Variants in LRP2 observed in about 807,000 individuals in gnomAD.
The protein encoded by LRP2 is LDL receptor related protein 2.
A neutral mutation model predicts 531.0 loss-of-function variants in LRP2; 172 were observed. That is an observed-to-expected ratio of 0.32 (90% confidence interval 0.29 to 0.37). The LOEUF is 0.37. Ranked by LOEUF, LRP2 falls within the 10% of genes least tolerant of loss-of-function variation. The probability of loss-of-function intolerance (pLI) is 1.00; values close to 1 mark genes in which losing one functional copy is unlikely to be tolerated. For synonymous variants in LRP2, 1,992 were observed against 2,027.6 expected (o/e 0.98, Z 0.47); for missense variants, 5,167 against 5,868.3 (o/e 0.88, Z 3.90).
intron 1 of LRP2, among the ~76,000 whole-genome samples, chr2:169,354,918 A>T (rs954231810): frequency 6.6e-6 from 1 of 152,166 alleles, no homozygotes; most frequent in Non-Finnish European, 1.5e-5. Flanking sequence ...TCTCTACCCC[A>T]TCCTTATAGC....
chr2:169,355,022 G>C (rs1247231069), intron 1 of LRP2, among the ~76,000 whole-genome samples: 1 of 152,186 alleles, frequency 6.6e-6, no homozygotes, highest in Non-Finnish European at 1.5e-5. Context: ...AAGATTCACA[G>C]AAAAATGAAA....
At chr2:169,237,448 A>G (rs1193612159) in intron 27 of LRP2, among the ~76,000 whole-genome samples, 161 bp from the exon 28 acceptor site, 1 of 152,192 alleles carries the variant, frequency 6.6e-6, no homozygotes, top group Non-Finnish European at 1.5e-5. Context: ...CCAAATCAAC[A>G]GCAGGGTTTT....
At chr2:169,339,091 C>G (rs1212773103) in intron 1 of LRP2, among the ~76,000 whole-genome samples, 1 of 145,820 alleles carries the variant, frequency 6.9e-6, no homozygotes, top group Non-Finnish European at 1.5e-5. Flanking sequence ...TATTGTCTCC[C>G]TCTCAATTCT....
chr2:169,231,770 G>A lies in LRP2; in HGVS notation c.5171C>T (p.Ser1724Phe). The A allele has an allele frequency of 6.2e-7, 1 of 1,614,098 alleles. No homozygotes were observed. The highest frequency in any genetic ancestry group is 8.5e-7 in the Non-Finnish European group (1 of 1,179,994). The change falls in exon 31 of 79, where the codon TCC (serine) becomes TTC (phenylalanine). Residue 1724 changes from serine to phenylalanine, a missense_variant. Coordinates refer to ENST00000649046, the MANE Select transcript of LRP2 (RefSeq NM_004525.3). ...LLSSQGPHFYSCVCPSGWSLS... is the reference protein window; with the variant it reads ...LLSSQGPHFYFCVCPSGWSLS... ...ACTCCATCCTGAAGGACAAACACAG[G>A]AGTAAAAATGAGGCCCCTGTGAGGA...
intron 1 of LRP2, among the ~76,000 whole-genome samples, chr2:169,352,431 G>A (rs1685874771): frequency 6.6e-6 from 1 of 152,102 alleles, no homozygotes; most frequent in Non-Finnish European, 1.5e-5. Context: ...ATTTAACAGA[G>A]TATATTTAAC....
intron 75 of LRP2, among the ~76,000 whole-genome samples, chr2:169,138,165 T>C (rs902816546): frequency 2.0e-5 from 3 of 152,232 alleles, no homozygotes; most frequent in African/African-American, 7.2e-5. Context: ...AATCACTGTT[T>C]ATTTCATCAC....
intron 25 of LRP2, chr2:169,240,693 C>A: frequency 1.8e-6 from 1 of 556,514 alleles, no homozygotes; most frequent in Non-Finnish European, 3.2e-6. Context: ...AGCACATTAC[C>A]AACAGAACCA....
Position 169,175,194 on chromosome 2 carries a change from A to G in LRP2, c.10767T>C (p.Cys3589=). The G allele has an allele frequency of 6.2e-7, 1 of 1,614,148 alleles. No homozygotes were observed. The highest frequency in any genetic ancestry group is 8.5e-7 in the Non-Finnish European group (1 of 1,180,004). The change falls in exon 55 of 79, where the codon TGT becomes TGC. Residue 3589 remains cysteine (C), a splice_region_variant and synonymous_variant. Transcript: ENST00000649046. ...GAGGCATAAAGCGACTCAACACACCACAAAGAAGACGGTCTTCATCAGACC... is the reference window on the plus strand; with the variant it reads ...GAGGCATAAAGCGACTCAACACACCGCAAAGAAGACGGTCTTCATCAGACC... ...PDGSDEDRLL[C]ENHHCDSNEW...
chr2:169,356,824 T>G (rs576595292), intron 1 of LRP2, among the ~76,000 whole-genome samples: 2 of 152,310 alleles, frequency 1.3e-5, no homozygotes, highest in African/African-American at 4.8e-5. Context: ...CTAATGCTGG[T>G]GAGATCCTGG....
intron 42 of LRP2, among the ~76,000 whole-genome samples, chr2:169,203,694 T>C (rs1416679406): frequency 1.3e-5 from 2 of 152,070 alleles, no homozygotes; most frequent in African/African-American, 4.8e-5. Context: ...GAGGTGGAGG[T>C]TGCAGTGAGC....
At chr2:169,305,739 G>C (rs979289537) in intron 4 of LRP2, among the ~76,000 whole-genome samples, 1 of 152,124 alleles carries the variant, frequency 6.6e-6, no homozygotes, top group South Asian at 2.1e-4. Flanking sequence ...TGGCTCTTTC[G>C]GTCAACGACA....
Position 169,288,763 on chromosome 2 carries a change from C to T in LRP2, c.1042+263G>A, listed in dbSNP as rs2161039. Among the ~76,000 whole-genome samples the T allele has an allele frequency of 0.39, 58,776 of 151,998 alleles. 12,038 individuals carry two copies. Among genetic ancestry groups the T allele is most frequent in the South Asian group, 0.52 (2,485 of 4,814 alleles). ...TGAAAAGAAAACAGAAAAGGACTAC[C>T]GCCCTCATCAAGTAATGGATAGGTT... is the stretch of plus-strand genomic sequence containing the variant. On this transcript the variant is annotated intron_variant, in intron 9 of 78. Transcript: ENST00000649046.
intron 72 of LRP2, 131 bp from the exon 73 acceptor site, chr2:169,139,741 C>A: frequency 1.2e-6 from 1 of 820,932 alleles, no homozygotes; most frequent in Non-Finnish European, 2.1e-6. Context: ...ATGTATCCTG[C>A]ATGACTTTTG....
intron 37 of LRP2, among the ~76,000 whole-genome samples, chr2:169,210,308 G>C (rs1306677045): frequency 1.3e-5 from 2 of 151,656 alleles, no homozygotes; most frequent in African/African-American, 4.8e-5. Flanking sequence ...AAATTAAGAA[G>C]GAAAAAAAAT....
At position 169,272,853 on chromosome 2, in the gene LRP2, G is replaced by T; in HGVS notation, c.2116+74C>A. The T allele has an allele frequency of 2.5e-6, 4 of 1,584,754 alleles. No homozygotes were observed. In the South Asian group the frequency reaches 4.4e-5, roughly 18 times the overall value. On this transcript the variant is annotated intron_variant, in intron 15 of 78. Coordinates refer to ENST00000649046, the MANE Select transcript of LRP2 (RefSeq NM_004525.3). ...GAGCTGGTCCAGTTCAAGAGTAGCA[G>T]TTAGTCTAGTTAGAGGTTTGGACAC...
intron 16 of LRP2, among the ~76,000 whole-genome samples, chr2:169,260,472 G>T (rs913964026): frequency 6.6e-6 from 1 of 152,040 alleles, no homozygotes; most frequent in African/African-American, 2.4e-5. Flanking sequence ...AGGGGTGAGT[G>T]GTCATGCCCT....
chr2:169,279,128 A>G lies in LRP2; in HGVS notation c.1565+244T>C, dbSNP rs954833532. Among the ~76,000 whole-genome samples the G allele has an allele frequency of 1.2e-4, 19 of 152,310 alleles. No homozygotes were observed. The South Asian group carries it at 3.1e-3, about 25-fold the overall frequency. ...ACTAAGAATAAAATTCATAGCCCCA[A>G]AACAACAAGTATTTTTAGTACACCA... On this transcript the variant is annotated intron_variant, in intron 12 of 78. Transcript: ENST00000649046.
chr2:169,168,018 A>ATATATATATATATATAT (rs1686845879), intron 61 of LRP2, among the ~76,000 whole-genome samples: 1 of 68,186 alleles, frequency 1.5e-5, no homozygotes, highest in Non-Finnish European at 2.9e-5. Context: ...CAGGGTTTAA[A>ATATATATATATATATAT]ATATATATAT....
intron 5 of LRP2, 90 bp downstream of exon 5, chr2:169,294,510 G>A (rs1315297967): frequency 3.1e-6 from 3 of 968,558 alleles, no homozygotes; most frequent in African/African-American, 3.2e-5. Flanking sequence ...CACTGAACCT[G>A]AACTTGGGAA....
Sources: allele counts gnomAD v4.1 joint callset (sites outside exome capture counted in the v4.1 genomes callset), GRCh38; gene constraint gnomAD v4.1.1; transcripts MANE v1.5; gene names NCBI Gene and HGNC (gene_info 2026-07-23, HGNC 2026-07-21).